The following ADAM23 variants were observed in gnomAD, a reference collection of about 807,000 sequenced individuals.
The protein encoded by ADAM23 is disintegrin and metalloproteinase domain-containing protein 23.
Under a neutral mutation model 120.1 loss-of-function variants are expected in ADAM23, and 33 were observed. The observed-to-expected ratio is 0.27, with a 90% CI of 0.21 to 0.37. ADAM23 has a LOEUF of 0.37. Ranked by LOEUF, ADAM23 falls within the 10% of genes least tolerant of loss-of-function variation. The probability of loss-of-function intolerance (pLI) is 1.00; values close to 1 mark genes in which losing one functional copy is unlikely to be tolerated. For synonymous variants in ADAM23, 367 were observed against 375.2 expected (o/e 0.98, Z 0.25); for missense variants, 862 against 1,058.2 (o/e 0.81, Z 2.57).
At chr2:206,539,848 G>A (rs974813574) in intron 4 of ADAM23, among the ~76,000 whole-genome samples, 3 of 152,064 alleles carry the variant, frequency 2.0e-5, no homozygotes, top group Admixed American at 1.3e-4. Flanking sequence ...TATTAATTTA[G>A]TAATAAAAAA....
chr2:206,545,269 C>T lies in ADAM23; in HGVS notation c.720+1953C>T, dbSNP rs893587528. ...TTGGGAGGCTGAGGTGCGCAGATCA[C>T]GAGGTCAGGAGTTTGAGACCAGCCC... On this transcript the variant is annotated intron_variant, in intron 6 of 25. Transcript: ENST00000264377. Among the ~76,000 whole-genome samples the T allele has an allele frequency of 2.0e-5, 3 of 152,184 alleles. No individual in the cohort carries two copies. The South Asian group carries it at 6.2e-4, about 32-fold the overall frequency.
At chr2:206,529,898 G>A (rs1340998072) in intron 3 of ADAM23, among the ~76,000 whole-genome samples, 1 of 151,620 alleles carries the variant, frequency 6.6e-6, no homozygotes, top group African/African-American at 2.4e-5. Context: ...TGCAACCTCC[G>A]CCTCCTGAGT....
At chr2:206,524,168 A>G (rs1409558934) in intron 3 of ADAM23, among the ~76,000 whole-genome samples, 2 of 152,160 alleles carry the variant, frequency 1.3e-5, no homozygotes, top group African/African-American at 4.8e-5. Context: ...TTTTCTAGAT[A>G]TCATTTAATT....
At chr2:206,605,827 C>G (rs995523709) in intron 24 of ADAM23, 1 of 699,760 alleles carries the variant, frequency 1.4e-6, no homozygotes, top group Admixed American at 2.0e-5. Context: ...GGGCCGTGGC[C>G]GGCACCATTC....
At chr2:206,515,225 C>G (rs1696705393) in intron 3 of ADAM23, among the ~76,000 whole-genome samples, 1 of 152,132 alleles carries the variant, frequency 6.6e-6, no homozygotes, top group Non-Finnish European at 1.5e-5. Context: ...ATTATGAACT[C>G]AGAAATATGT....
chr2:206,568,019 C>G (rs1697924901), intron 15 of ADAM23, among the ~76,000 whole-genome samples: 2 of 152,160 alleles, frequency 1.3e-5, no homozygotes, highest in Non-Finnish European at 2.9e-5. Context: ...TCACCTTCCA[C>G]CAGGTAGGTC....
intron 4 of ADAM23, among the ~76,000 whole-genome samples, chr2:206,534,964 CT>C (rs201161053): frequency 5.5e-5 from 8 of 144,966 alleles, no homozygotes; most frequent in East Asian, 2.0e-4. Context: ...CTTTTTTTTT[CT>C]TTTTTTTTTG....
rs1395483854 is a variant in ADAM23 at position 206,548,283 on chromosome 2, A to G, written c.796A>G (p.Met266Val). The change falls in exon 8 of 26, where the codon ATG becomes GTG. Residue 266 changes from methionine (M) to valine (V), a missense_variant and splice_region_variant. Physicochemically the swap from Met to Val is conservative, Grantham distance 21. This residue lies in a region of ADAM23 where 617 missense variants were observed against 813.5 expected (regional missense o/e 0.76). Coordinates refer to ENST00000264377, the MANE Select transcript of ADAM23 (RefSeq NM_003812.4). The stretch of plus-strand genomic sequence containing the variant: ...ATACTAATTTTTCCTTTCTGCAGCT[A>G]TGGAAAGAGGTGACCAGTGGCCCTT... ...QYSKQMKNLT[M>V]ERGDQWPFLS... 2 of 1,612,516 alleles carry G rather than the reference A, an allele frequency of 1.2e-6. No homozygotes were observed. Among genetic ancestry groups the G allele is most frequent in the South Asian group, 1.1e-5 (1 of 91,066 alleles).
chr2:206,543,081 G>C (rs79097495), intron 5 of ADAM23, among the ~76,000 whole-genome samples, 172 bp from the exon 6 acceptor site: 4,183 of 152,284 alleles, frequency 0.027, 84 homozygotes, highest in Middle Eastern at 0.054. Flanking sequence ...ATAGAGTGCT[G>C]GGGCCACACT....
At chr2:206,474,021 A>C (rs1695721255) in intron 2 of ADAM23, among the ~76,000 whole-genome samples, 1 of 148,290 alleles carries the variant, frequency 6.7e-6, no homozygotes, top group South Asian at 2.1e-4. Context: ...CAAAAAAAAA[A>C]AAACAAAAAA....
At chr2:206,605,661 A>C in intron 24 of ADAM23, 1 of 642,174 alleles carries the variant, frequency 1.6e-6, no homozygotes, top group Non-Finnish European at 2.8e-6. Context: ...CTTAATTTCA[A>C]ATCTTATAGC....
chr2:206,620,442 T>C lies in ADAM23; in HGVS notation c.*2815T>C, dbSNP rs1175312120. 12 of 152,192 alleles carry C rather than the reference T, an allele frequency of 7.9e-5. No homozygotes were observed. The highest frequency in any genetic ancestry group is 2.7e-4 in the African/African-American group (11 of 41,444). 9.4% of individuals were successfully genotyped at this position (152,192 alleles called of 1,614,324 possible). ...TGTAAAAATGGATTATAATTATTTT[T>C]GATGGTATTAGGTTATGTAGTTTCA... On this transcript the variant is annotated 3_prime_UTR_variant, in exon 26 of 26. Transcript: ENST00000264377.
chr2:206,605,129 TTGG>T (rs1232156961), intron 24 of ADAM23, among the ~76,000 whole-genome samples: 2 of 152,208 alleles, frequency 1.3e-5, no homozygotes, highest in Non-Finnish European at 2.9e-5. Flanking sequence ...CATCTACCAC[TTGG>T]TGGTCTGAAG....
chr2:206,573,139 C>T lies in ADAM23; in HGVS notation c.1681C>T (p.Arg561Trp), dbSNP rs1436495199. ...CLFQPRGYEC[R>W]DAVNECDITE... is the part of the protein sequence containing the mutation. Reference sequence around the variant, plus strand: ...GTTTCAGCCACGAGGGTATGAATGCCGGGATGCTGTGAACGAGTGTGATAT... The same window carrying T: ...GTTTCAGCCACGAGGGTATGAATGCTGGGATGCTGTGAACGAGTGTGATAT... The change falls in exon 18 of 26, where the codon CGG becomes TGG. Residue 561 changes from arginine to tryptophan, a missense_variant. By Grantham distance (101) the Arg-to-Trp change is moderately radical (BLOSUM62 -3). Coordinates refer to ENST00000264377, the MANE Select transcript of ADAM23 (RefSeq NM_003812.4). 3 of 1,613,768 alleles carry T rather than the reference C, an allele frequency of 1.9e-6. No individual in the cohort carries two copies. The highest frequency in any genetic ancestry group is 2.5e-6 in the Non-Finnish European group (3 of 1,179,852).
intron 2 of ADAM23, among the ~76,000 whole-genome samples, chr2:206,453,972 C>T (rs1695245254): frequency 6.6e-6 from 1 of 152,178 alleles, no homozygotes; most frequent in Non-Finnish European, 1.5e-5. Flanking sequence ...TCTAAGTGTT[C>T]TCTAAGCCTT....
chr2:206,591,636 A>T (rs1016457060), intron 21 of ADAM23, among the ~76,000 whole-genome samples: 3 of 152,176 alleles, frequency 2.0e-5, no homozygotes, highest in African/African-American at 4.8e-5. Context: ...CCTAGTGCAC[A>T]TTTGTACCTC....
chr2:206,611,389 A>G (rs1183154421), intron 25 of ADAM23, among the ~76,000 whole-genome samples: 1 of 152,154 alleles, frequency 6.6e-6, no homozygotes, highest in African/African-American at 2.4e-5. Flanking sequence ...TGTGGCATCT[A>G]GTAAGAAATA....
At chr2:206,565,554 T>C (rs1697860280) in intron 14 of ADAM23, among the ~76,000 whole-genome samples, 1 of 152,234 alleles carries the variant, frequency 6.6e-6, no homozygotes, top group South Asian at 2.1e-4. Flanking sequence ...CTTCTAGTGA[T>C]AGACATTTGA....
intron 9 of ADAM23, among the ~76,000 whole-genome samples, chr2:206,552,730 C>T (rs1697556867): frequency 6.6e-6 from 1 of 152,176 alleles, no homozygotes; most frequent in African/African-American, 2.4e-5. Flanking sequence ...GATCCAATCT[C>T]ATCTCGGCGC....
Sources: gnomAD v4.1 joint callset for allele counts (sites outside exome capture counted in the v4.1 genomes callset) on GRCh38, gnomAD v4.1.1 for gene constraint, gnomAD v4.1.1 regional missense constraint, MANE v1.5 for transcripts, NCBI Gene and HGNC (gene_info 2026-07-23, HGNC 2026-07-21) for gene names.